Variants in IL1RAPL2 observed in about 807,000 individuals in gnomAD.
The protein encoded by IL1RAPL2 is interleukin 1 receptor accessory protein like 2.
In IL1RAPL2, 3 loss-of-function variants were observed where a neutral mutation model predicts 44.1. The ratio of observed to expected loss-of-function variants is 0.07; its 90% CI spans 0.03 to 0.18. The LOEUF (loss-of-function observed/expected upper bound fraction) is 0.18. Ranked by LOEUF, IL1RAPL2 falls within the 10% of genes least tolerant of loss-of-function variation. The probability of loss-of-function intolerance (pLI) is 1.00; values close to 1 mark genes in which losing one functional copy is unlikely to be tolerated. For synonymous variants in IL1RAPL2, 181 were observed against 178.8 expected, an observed-to-expected ratio of 1.01 and a Z score of -0.10; for missense variants, 391 against 496.4, an observed-to-expected ratio of 0.79 and a Z score of 2.02.
intron 2 of IL1RAPL2, among the ~76,000 whole-genome samples, chrX:104,739,158 G>A (rs1569306207): frequency 8.9e-6 from 1 of 111,774 alleles, no homozygotes; most frequent in Admixed American, 9.5e-5. Context: ...TCTTTGGGAA[G>A]CAGACCTTTT....
intron 7 of IL1RAPL2, among the ~76,000 whole-genome samples, chrX:105,731,633 A>T (rs2038407110): frequency 9.0e-6 from 1 of 111,555 alleles, no homozygotes; most frequent in South Asian, 3.7e-4. Context: ...ATTCTGCCAT[A>T]AAAAGAATGA....
chrX:105,532,925 C>A (rs2036648664), intron 6 of IL1RAPL2, among the ~76,000 whole-genome samples: 1 of 111,171 alleles, frequency 9.0e-6, no homozygotes, highest in Non-Finnish European at 1.9e-5. Context: ...GGTGCGGTGG[C>A]TCACACCTGT....
intron 2 of IL1RAPL2, among the ~76,000 whole-genome samples, chrX:104,948,364 C>A (rs1433573324): frequency 1.9e-5 from 2 of 107,585 alleles, no homozygotes; most frequent in Non-Finnish European, 3.8e-5. Context: ...CATCTGCAAA[C>A]AGGGACAATT....
intron 6 of IL1RAPL2, among the ~76,000 whole-genome samples, chrX:105,605,187 T>C (rs1465036492): frequency 9.0e-6 from 1 of 111,246 alleles, no homozygotes; most frequent in East Asian, 2.8e-4. Context: ...CATGATCTTA[T>C]ACATATATAA....
intron 2 of IL1RAPL2, among the ~76,000 whole-genome samples, chrX:105,052,850 A>G (rs184023939): frequency 9.1e-6 from 1 of 110,244 alleles, no homozygotes; most frequent in East Asian, 2.9e-4. Flanking sequence ...TGCATTAGGT[A>G]TTTGTCCTAA....
At chrX:104,835,687 A>G (rs1248091120) in intron 2 of IL1RAPL2, among the ~76,000 whole-genome samples, 1 of 112,273 alleles carries the variant, frequency 8.9e-6, no homozygotes, top group Non-Finnish European at 1.9e-5. Context: ...TAATACTGGC[A>G]CCACTGATAC....
chrX:104,877,627 A>G (rs1402252475), intron 2 of IL1RAPL2, among the ~76,000 whole-genome samples: 3 of 112,615 alleles, frequency 2.7e-5, no homozygotes, highest in Non-Finnish European at 5.6e-5. Flanking sequence ...ACATGTAACT[A>G]TTCAAGAGAA....
intron 2 of IL1RAPL2, among the ~76,000 whole-genome samples, chrX:105,099,745 C>T (rs1490119618): frequency 9.1e-6 from 1 of 109,726 alleles, no homozygotes; most frequent in African/African-American, 3.3e-5. Context: ...GGACTACAGG[C>T]GTGAGCCACC....
intron 6 of IL1RAPL2, among the ~76,000 whole-genome samples, chrX:105,637,372 G>A (rs780349441): frequency 8.9e-5 from 10 of 111,940 alleles, no homozygotes; most frequent in Non-Finnish European, 1.9e-4. Flanking sequence ...GAAACTGGAA[G>A]ACTGATTGTA....
At chrX:105,048,165 G>A (rs1405433497) in intron 2 of IL1RAPL2, among the ~76,000 whole-genome samples, 3 of 111,774 alleles carry the variant, frequency 2.7e-5, no homozygotes, top group Non-Finnish European at 5.6e-5. Flanking sequence ...CAGCTGTGAG[G>A]GGACAAGTTG....
chrX:105,036,307 T>C (rs1349859489), intron 2 of IL1RAPL2, among the ~76,000 whole-genome samples: 1 of 111,528 alleles, frequency 9.0e-6, no homozygotes, highest in Non-Finnish European at 1.9e-5. Flanking sequence ...ACACAGAAAG[T>C]TTAATTTATT....
chrX:105,489,138 C>T (rs774647026), intron 6 of IL1RAPL2, among the ~76,000 whole-genome samples: 10 of 111,706 alleles, frequency 9.0e-5, no homozygotes, highest in Non-Finnish European at 1.7e-4. Context: ...ATGCAACTAA[C>T]GTTCCCTGTG....
intron 5 of IL1RAPL2, among the ~76,000 whole-genome samples, chrX:105,478,279 G>T (rs1302923971): frequency 9.0e-6 from 1 of 111,214 alleles, no homozygotes; most frequent in Non-Finnish European, 1.9e-5. Flanking sequence ...TGGCATCTTT[G>T]GGTAGAGGCC....
chrX:104,943,489 C>T (rs746473221), intron 2 of IL1RAPL2, among the ~76,000 whole-genome samples: 1 of 111,944 alleles, frequency 8.9e-6, no homozygotes, highest in Non-Finnish European at 1.9e-5. Context: ...TTTTCTGTTT[C>T]TCCAGTTGAA....
chrX:104,828,581 G>A (rs181001386), intron 2 of IL1RAPL2, among the ~76,000 whole-genome samples: 1 of 61,984 alleles, frequency 1.6e-5, no homozygotes, highest in African/African-American at 6.3e-5. Context: ...GTTGGGAAGT[G>A]TCTCACCATC....
chrX:105,132,110 G>A (rs896125092), intron 2 of IL1RAPL2, among the ~76,000 whole-genome samples: 1 of 108,493 alleles, frequency 9.2e-6, no homozygotes, highest in East Asian at 2.9e-4. Flanking sequence ...AAATACCAAA[G>A]GTTTCAATGA....
chrX:105,665,127 A>G (rs1243872969), intron 6 of IL1RAPL2, among the ~76,000 whole-genome samples: 1 of 111,761 alleles, frequency 8.9e-6, no homozygotes, highest in Non-Finnish European at 1.9e-5. Flanking sequence ...TAAGTTTTAG[A>G]TGAGTCAAAA....
At chrX:105,267,743 G>T in intron 5 of IL1RAPL2, among the ~76,000 whole-genome samples, 1 of 111,677 alleles carries the variant, frequency 9.0e-6, no homozygotes. Flanking sequence ...GAGAACAAGG[G>T]CCTAGTTGCT....
At chrX:104,899,106 A>G (rs988978097) in intron 2 of IL1RAPL2, among the ~76,000 whole-genome samples, 1 of 111,980 alleles carries the variant, frequency 8.9e-6, no homozygotes, top group Middle Eastern at 4.2e-3. Context: ...CCTGAGCCAT[A>G]CATTTTACAT....
Sources: allele counts gnomAD v4.1 joint callset (sites outside exome capture counted in the v4.1 genomes callset), GRCh38; gene constraint gnomAD v4.1.1; transcripts MANE v1.5; gene names NCBI Gene and HGNC (gene_info 2026-07-23, HGNC 2026-07-21).